Variants in ANK1 observed in about 807,000 individuals in gnomAD.
ANK1 encodes the protein ankyrin-1.
Under a neutral mutation model 210.4 loss-of-function variants are expected in ANK1, and 51 were observed. That is an observed-to-expected ratio of 0.24 (90% CI 0.19 to 0.31). ANK1 has a LOEUF of 0.31. ANK1 is among the 10% of genes least tolerant of loss of function. The pLI, the probability that ANK1 is intolerant of heterozygous loss-of-function variation, is 1.00. For synonymous variants in ANK1, 967 were observed against 1,025.9 expected (o/e 0.94, Z 1.10); for missense variants, 2,051 against 2,504.4 (o/e 0.82, Z 3.86).
At chr8:41,873,283 G>A (rs2150826489) in intron 1 of ANK1, among the ~76,000 whole-genome samples, 1 of 152,332 alleles carries the variant, frequency 6.6e-6, no homozygotes, top group East Asian at 1.9e-4. Context: ...TGGTTTTGAA[G>A]TCATATTTGG....
chr8:41,693,284 G>T, intron 29 of ANK1, 83 bp from the exon 30 acceptor site: 2 of 1,261,870 alleles, frequency 1.6e-6, no homozygotes, highest in Non-Finnish European at 2.3e-6. Flanking sequence ...GCCGTGGTGT[G>T]CAAGGTGAGA....
At chr8:41,783,765 T>C (rs1336693786) in intron 1 of ANK1, among the ~76,000 whole-genome samples, 3 of 152,152 alleles carry the variant, frequency 2.0e-5, no homozygotes, top group Non-Finnish European at 4.4e-5. Flanking sequence ...AGGAAGCATA[T>C]TACAGCCCTG....
intron 35 of ANK1, 83 bp from the exon 36 acceptor site, chr8:41,686,366 C>T: frequency 6.3e-7 from 1 of 1,590,676 alleles, no homozygotes. Flanking sequence ...TGGGTGGGCA[C>T]TGGGGCGTGG....
At chr8:41,663,112 C>G (rs182396753) in intron 40 of ANK1, among the ~76,000 whole-genome samples, 229 of 129,584 alleles carry the variant, frequency 1.8e-3, no homozygotes, top group African/African-American at 5.7e-3. Context: ...CTCTCTCTCT[C>G]TCTGTGTGTG....
At chr8:41,723,813 G>A (rs1193046476) in intron 7 of ANK1, among the ~76,000 whole-genome samples, 180 bp from the exon 8 acceptor site, 33 of 144,532 alleles carry the variant, frequency 2.3e-4, no homozygotes, top group Non-Finnish European at 1.2e-4. Context: ...TTTTTGAGAC[G>A]GAGTCTCGCT....
chr8:41,762,695 T>C (rs958017613), intron 1 of ANK1, among the ~76,000 whole-genome samples: 5 of 152,236 alleles, frequency 3.3e-5, no homozygotes, highest in African/African-American at 9.6e-5. Flanking sequence ...ATGTTACTTA[T>C]GCTACTGATT....
chr8:41,858,592 G>T (rs1224339901), intron 1 of ANK1, among the ~76,000 whole-genome samples: 1 of 152,182 alleles, frequency 6.6e-6, no homozygotes, highest in African/African-American at 2.4e-5. Flanking sequence ...ACAGCCGCAG[G>T]GAGCCCACAG....
intron 23 of ANK1, among the ~76,000 whole-genome samples, chr8:41,698,696 C>T (rs1255231098): frequency 6.6e-6 from 1 of 152,132 alleles, no homozygotes; most frequent in Non-Finnish European, 1.5e-5. Flanking sequence ...CAGGCAGACC[C>T]GGATCTCCCC....
intron 1 of ANK1, among the ~76,000 whole-genome samples, chr8:41,874,992 G>A (rs1816285374): frequency 6.6e-6 from 1 of 152,202 alleles, no homozygotes. Context: ...GGAGAGACTG[G>A]GTGGCAGTCT....
intron 1 of ANK1, among the ~76,000 whole-genome samples, chr8:41,810,861 A>G (rs1369437820): frequency 6.6e-6 from 1 of 152,250 alleles, no homozygotes; most frequent in Non-Finnish European, 1.5e-5. Flanking sequence ...GTACTTTGGC[A>G]GGCAGAGGCT....
chr8:41,778,809 T>C (rs574511415), intron 1 of ANK1, among the ~76,000 whole-genome samples: 3 of 152,340 alleles, frequency 2.0e-5, no homozygotes, highest in East Asian at 3.9e-4. Flanking sequence ...ATTTATTCAG[T>C]CATTTAAAAA....
intron 37 of ANK1, among the ~76,000 whole-genome samples, chr8:41,680,681 G>T (rs1235527679): frequency 6.6e-6 from 1 of 151,974 alleles, no homozygotes; most frequent in Admixed American, 6.6e-5. Context: ...TAGGGTACAT[G>T]CCCAGCTGCT....
exon 1 of ANK1, chr8:41,896,378 G>A (rs770675493): frequency 5.6e-6 from 9 of 1,600,536 alleles, no homozygotes; most frequent in Non-Finnish European, 7.7e-6. Context: ...TCACGGGAGC[G>A]GTTTCTCCGC....
intron 1 of ANK1, chr8:41,828,701 T>C (rs190866539): frequency 6.5e-6 from 1 of 153,496 alleles, no homozygotes; most frequent in East Asian, 1.9e-4. Context: ...GAGGGGGCGC[T>C]CGTAATGAAA....
chr8:41,881,008 G>T (rs1563957413), intron 1 of ANK1, among the ~76,000 whole-genome samples: 1 of 152,228 alleles, frequency 6.6e-6, no homozygotes, highest in African/African-American at 2.4e-5. Context: ...GCTCATAAGG[G>T]CTGGGATTTC....
chr8:41,704,567 C>T lies in ANK1; in HGVS notation c.2098-95G>A, dbSNP rs1824041483. 10 of 1,099,540 alleles carry T rather than the reference C, an allele frequency of 9.1e-6. No homozygotes were observed. Among genetic ancestry groups the T allele is most frequent in the Admixed American group, 7.4e-5 (4 of 54,206 alleles). 68.1% of individuals were successfully genotyped at this position (1,099,540 alleles called of 1,614,324 possible). A position where few individuals can be genotyped will look rare whatever the true frequency, so the allele number is the denominator to read the frequency against. On this transcript the variant is annotated intron_variant, in intron 18 of 42. Coordinates refer to ENST00000289734, the MANE Select transcript of ANK1 (RefSeq NM_000037.4). The surrounding 1 kb of genome is among the most constrained non-coding windows in gnomAD (Gnocchi z 4.1). ...GCAGCTGATTCAAAGAGAGAACGGACAGGGAGCCCCTTGAAGGCTGACATT... is the reference window on the plus strand; with the variant it reads ...GCAGCTGATTCAAAGAGAGAACGGATAGGGAGCCCCTTGAAGGCTGACATT...
chr8:41,822,488 A>T (rs1376478690), intron 1 of ANK1, among the ~76,000 whole-genome samples: 1 of 152,256 alleles, frequency 6.6e-6, no homozygotes, highest in Non-Finnish European at 1.5e-5. Context: ...GCATATTAAC[A>T]TATTTTTAAA....
rs747861245 is a variant in ANK1, at chr8:41,695,169, G to A, written c.3115+8C>T. 6.6e-5 allele frequency: 107 copies of A among 1,613,860 alleles called. No individual in the cohort carries two copies. The highest frequency in any genetic ancestry group is 8.9e-5 in the East Asian group (4 of 44,886). ...AGGGGACCCAGCCCTGGGATCCCCC[G>A]CCCCTACCTTCGTCCATCCCGTTGA... On this transcript the variant is annotated splice_region_variant and intron_variant, in intron 27 of 42. Coordinates refer to ENST00000289734, the MANE Select transcript of ANK1 (RefSeq NM_000037.4).
At position 41,660,690 on chromosome 8, in the gene ANK1, C is replaced by T. The variant is rs3736219; in HGVS notation, c.*36+740G>A. 1.2e-3 allele frequency among the ~76,000 whole-genome samples: 178 copies of T among 152,348 alleles called. 2 individuals are homozygous for T. The East Asian group carries it at 0.026, about 23-fold the overall frequency. On this transcript the variant is annotated intron_variant, in intron 42 of 42. Transcript: ENST00000289734. ...CATGCACCACAGCCCAGGCCCCGGC[C>T]CCAACCCTGACGGTCTCCTGACTTG...
Sources: allele counts gnomAD v4.1 joint callset (sites outside exome capture counted in the v4.1 genomes callset), GRCh38; gene constraint gnomAD v4.1.1; non-coding constraint Gnocchi (gnomAD v3.1); transcripts MANE v1.5; gene names NCBI Gene and HGNC (gene_info 2026-07-23, HGNC 2026-07-21).